Variants in CEMIP observed in about 807,000 individuals in gnomAD.
CEMIP encodes the protein cell migration-inducing and hyaluronan-binding protein.
CEMIP carries 105 observed loss-of-function variants against 156.9 expected under a neutral mutation model. The observed-to-expected ratio is 0.67, with a 90% CI of 0.57 to 0.79. The LOEUF is 0.79. Among genes scored for constraint, CEMIP ranks in the 30% least tolerant of loss-of-function variants. The probability of loss-of-function intolerance (pLI) is 0.00; values close to 1 mark genes in which losing one functional copy is unlikely to be tolerated. For missense variants in CEMIP, 1,457 were observed against 1,769.4 expected (o/e 0.82, Z 3.17); for synonymous variants, 676 against 668.4 (o/e 1.01, Z -0.17).
chr15:80,924,302 C>T (rs1476159894), intron 17 of CEMIP, among the ~76,000 whole-genome samples: 3 of 152,190 alleles, frequency 2.0e-5, no homozygotes, highest in African/African-American at 7.2e-5. Flanking sequence ...GGGGCCTGGG[C>T]TAATAACTAT....
chr15:80,909,837 T>G (rs1357077242), intron 14 of CEMIP: 1 of 351,366 alleles, frequency 2.8e-6, no homozygotes. Flanking sequence ...TCGTACTAAA[T>G]TGACCTTTCT....
intron 1 of CEMIP, among the ~76,000 whole-genome samples, chr15:80,837,029 A>G (rs1897285017): frequency 6.6e-6 from 1 of 152,110 alleles, no homozygotes; most frequent in African/African-American, 2.4e-5. Context: ...TCTCCCCTTC[A>G]CTGGGAACAG....
intron 14 of CEMIP, among the ~76,000 whole-genome samples, chr15:80,918,492 G>A (rs548494986): frequency 3.3e-5 from 5 of 152,124 alleles, no homozygotes; most frequent in Admixed American, 6.5e-5. Context: ...CTGCAATCAC[G>A]GGACAGCCTC....
intron 8 of CEMIP, among the ~76,000 whole-genome samples, chr15:80,888,112 C>T (rs1241799614): frequency 6.6e-6 from 1 of 152,090 alleles, no homozygotes; most frequent in Non-Finnish European, 1.5e-5. Flanking sequence ...CTTGTAATCC[C>T]AGCATTTTGG....
chr15:80,900,986 G>T (rs1285401457), intron 12 of CEMIP: 9 of 454,970 alleles, frequency 2.0e-5, no homozygotes, highest in Non-Finnish European at 3.5e-5. Flanking sequence ...ACAGATGGGG[G>T]TAACATAGTA....
chr15:80,893,824 A>G (rs1029432662), intron 10 of CEMIP, among the ~76,000 whole-genome samples: 1 of 151,280 alleles, frequency 6.6e-6, no homozygotes, highest in Non-Finnish European at 1.5e-5. Context: ...TGTTTCCTAA[A>G]AAGTCTCCTC....
chr15:80,933,253 C>T lies in CEMIP; in HGVS notation c.2802C>T (p.Ser934=), dbSNP rs1900993431. 2 of 1,614,094 alleles carry T rather than the reference C, an allele frequency of 1.2e-6. No homozygotes were observed. Among genetic ancestry groups the T allele is most frequent in the African/African-American group, 1.3e-5 (1 of 75,050 alleles). The part of the protein sequence containing the change: ...GIAFEDVPIT[S]RVFFGEPGPW... Reference sequence around the variant, plus strand: ...TCCTGGGCTCTGTTTAGATTACTTCCAGAGTGTTCTTCGGAGAGCCTGGGC... The same window carrying T: ...TCCTGGGCTCTGTTTAGATTACTTCTAGAGTGTTCTTCGGAGAGCCTGGGC... The change falls in exon 23 of 30, where the codon TCC becomes TCT. Residue 934 remains serine (S), a synonymous_variant. Coordinates refer to ENST00000394685, the MANE Select transcript of CEMIP (RefSeq NM_001293298.2).
At position 80,884,204 on chromosome 15, in the gene CEMIP, G is replaced by C; in HGVS notation, c.647G>C (p.Ser216Thr). 6.2e-7 allele frequency: 1 copy of C among 1,614,240 alleles called. No homozygotes were observed. Among genetic ancestry groups the C allele is most frequent in the Middle Eastern group, 1.6e-4 (1 of 6,062 alleles). ...RFDTYRSKKESERLVQYLNAV... is the reference protein window; with the variant it reads ...RFDTYRSKKETERLVQYLNAV... ...GACACCTATAGATCCAAGAAAGAGA[G>C]TGAACGTCTGGTCCAGTATTTGAAC... is the stretch of plus-strand genomic sequence containing the variant. Residue 216 changes from serine (S) to threonine (T), a missense_variant, in exon 7 of 30, where the codon AGT becomes ACT. Transcript: ENST00000394685.
intron 1 of CEMIP, among the ~76,000 whole-genome samples, chr15:80,802,078 A>G (rs1341122861): frequency 6.6e-6 from 1 of 152,214 alleles, no homozygotes; most frequent in Non-Finnish European, 1.5e-5. Context: ...GTACTATTGT[A>G]CTTGGAAGTA....
intron 1 of CEMIP, among the ~76,000 whole-genome samples, chr15:80,833,201 A>G (rs995647123): frequency 6.6e-6 from 1 of 152,094 alleles, no homozygotes; most frequent in Non-Finnish European, 1.5e-5. Flanking sequence ...CAACATGCCA[A>G]TCTCTCACTT....
In CEMIP at chr15:80,910,417, G is replaced by C. The variant is rs534379152; in HGVS notation, c.1797+1111G>C. Among the ~76,000 whole-genome samples the C allele has an allele frequency of 2.0e-5, 3 of 152,300 alleles. No homozygotes were observed. In the East Asian group the frequency reaches 5.8e-4, roughly 29 times the overall value. On this transcript the variant is annotated intron_variant, in intron 14 of 29. Transcript: ENST00000394685. ...TGCCTGCTGGTCCCTGTGGGCATTT[G>C]AGTTTGTAAGCACTGCTTTAAACCA...
intron 1 of CEMIP, among the ~76,000 whole-genome samples, chr15:80,870,677 CT>C (rs1482802639): frequency 6.6e-6 from 1 of 152,222 alleles, no homozygotes; most frequent in Non-Finnish European, 1.5e-5. Flanking sequence ...TGCTTTTGCT[CT>C]TGTGTCTCTT....
chr15:80,901,401 C>T (rs919944737), intron 12 of CEMIP, among the ~76,000 whole-genome samples: 17 of 152,080 alleles, frequency 1.1e-4, no homozygotes, highest in Non-Finnish European at 7.4e-5. Context: ...GATTACATTA[C>T]GTTAAAAATT....
chr15:80,803,669 A>G (rs1896437595), intron 1 of CEMIP, among the ~76,000 whole-genome samples: 1 of 152,172 alleles, frequency 6.6e-6, no homozygotes, highest in Admixed American at 6.5e-5. Context: ...TAGCTGAGAA[A>G]AAAAGGGTCT....
At chr15:80,891,539 C>T (rs1212729203) in intron 10 of CEMIP, among the ~76,000 whole-genome samples, 1 of 152,228 alleles carries the variant, frequency 6.6e-6, no homozygotes, top group African/African-American at 2.4e-5. Context: ...GATTCAACAG[C>T]AGTGTGGTCC....
intron 14 of CEMIP, among the ~76,000 whole-genome samples, chr15:80,919,176 G>A (rs540468789): frequency 2.0e-5 from 3 of 152,314 alleles, no homozygotes; most frequent in South Asian, 4.1e-4. Context: ...GTGGCTTGAT[G>A]CACGTCTTGG....
chr15:80,914,923 T>G (rs1596188155), intron 14 of CEMIP, among the ~76,000 whole-genome samples: 1 of 148,968 alleles, frequency 6.7e-6, no homozygotes, highest in Non-Finnish European at 1.5e-5. Flanking sequence ...GGTTAGGGGG[T>G]CGGAAAGGGG....
intron 14 of CEMIP, among the ~76,000 whole-genome samples, chr15:80,916,569 T>C (rs1287791193): frequency 6.6e-6 from 1 of 152,246 alleles, no homozygotes; most frequent in Non-Finnish European, 1.5e-5. Flanking sequence ...AGCTACTATT[T>C]ATGTATCTGC....
chr15:80,849,492 C>T (rs1018115730), intron 1 of CEMIP, among the ~76,000 whole-genome samples: 5 of 152,172 alleles, frequency 3.3e-5, no homozygotes, highest in African/African-American at 1.2e-4. Context: ...CTGGCCTCTT[C>T]CCTCTTGCTC....
Sources: allele counts gnomAD v4.1 joint callset (sites outside exome capture counted in the v4.1 genomes callset), GRCh38; gene constraint gnomAD v4.1.1; transcripts MANE v1.5; gene names NCBI Gene and HGNC (gene_info 2026-07-23, HGNC 2026-07-21).